Variants in KCTD9 observed in about 807,000 individuals in gnomAD.
KCTD9 encodes potassium channel tetramerization domain containing 9.
KCTD9 carries 17 observed loss-of-function variants against 53.3 expected under a neutral mutation model. That is an observed-to-expected ratio of 0.32 (90% CI 0.22 to 0.48). KCTD9 has a LOEUF of 0.48. Ranked by LOEUF, KCTD9 falls within the 20% of genes least tolerant of loss-of-function variation. The pLI is 0.99. For missense variants in KCTD9, 179 were observed against 465.5 expected, an observed-to-expected ratio of 0.38 and a Z score of 5.66; for synonymous variants, 128 against 162.7, an observed-to-expected ratio of 0.79 and a Z score of 1.62.
At chr8:25,443,091 C>T (rs868661513) in intron 3 of KCTD9, among the ~76,000 whole-genome samples, 1 of 152,054 alleles carries the variant, frequency 6.6e-6, no homozygotes, top group Non-Finnish European at 1.5e-5. Flanking sequence ...GACATATAAA[C>T]TTTATATCCT....
chr8:25,431,466 A>G (rs930902687), intron 11 of KCTD9, among the ~76,000 whole-genome samples: 4 of 152,144 alleles, frequency 2.6e-5, no homozygotes, highest in African/African-American at 4.8e-5. Context: ...GATAGGGGAC[A>G]ATGGTTAGAG....
At chr8:25,447,575 C>A in intron 1 of KCTD9, among the ~76,000 whole-genome samples, 1 of 152,084 alleles carries the variant, frequency 6.6e-6, no homozygotes, top group African/African-American at 2.4e-5. Context: ...AAATGGAGGA[C>A]ATGGAAAAAG....
At chr8:25,453,988 C>CT (rs915099195) in intron 1 of KCTD9, among the ~76,000 whole-genome samples, 4 of 152,216 alleles carry the variant, frequency 2.6e-5, no homozygotes, top group Admixed American at 6.5e-5. Context: ...TTCTCCAACT[C>CT]TAACAACGTA....
At chr8:25,444,457 T>G (rs996937860) in intron 2 of KCTD9, 122 bp from the exon 3 acceptor site, 5 of 835,776 alleles carry the variant, frequency 6.0e-6, no homozygotes, top group Admixed American at 3.2e-5. Flanking sequence ...CAATCTAGAC[T>G]GCAAAGAAGC....
intron 4 of KCTD9, among the ~76,000 whole-genome samples, chr8:25,440,248 C>T (rs1489834184): frequency 2.0e-5 from 3 of 151,094 alleles, no homozygotes; most frequent in East Asian, 1.9e-4. Flanking sequence ...TTAGTAGAGA[C>T]GGGGTTTCAC....
At chr8:25,447,999 A>G (rs886179236) in intron 1 of KCTD9, among the ~76,000 whole-genome samples, 7 of 152,054 alleles carry the variant, frequency 4.6e-5, no homozygotes, top group Admixed American at 2.6e-4. Flanking sequence ...ATGGAGGCAC[A>G]TGCCTGTAGT....
intron 2 of KCTD9, among the ~76,000 whole-genome samples, chr8:25,444,592 T>C (rs1287696073): frequency 1.3e-5 from 2 of 152,154 alleles, no homozygotes; most frequent in African/African-American, 4.8e-5. Flanking sequence ...ACACAAACGA[T>C]GTTGAGTTCA....
chr8:25,435,982 A>G (rs1445994934), intron 8 of KCTD9, among the ~76,000 whole-genome samples: 1 of 152,218 alleles, frequency 6.6e-6, no homozygotes. Flanking sequence ...GACTTTTAAA[A>G]AACTGCTGCA....
chr8:25,435,606 G>T, intron 8 of KCTD9, 94 bp from the exon 9 acceptor site: 1 of 1,032,152 alleles, frequency 9.7e-7, no homozygotes, highest in Non-Finnish European at 1.4e-6. Context: ...TTTTTTAGAA[G>T]CAATTGGCAG....
intron 11 of KCTD9, among the ~76,000 whole-genome samples, chr8:25,432,253 C>G (rs1801944961): frequency 6.6e-6 from 1 of 152,148 alleles, no homozygotes; most frequent in Admixed American, 6.5e-5. Context: ...AGTAATCTAG[C>G]CCATTTAATT....
rs532721956 is a variant in KCTD9, at chr8:25,446,018, T to A, written c.170+111A>T. Reference sequence around the variant, plus strand: ...CAAAGAGCAAATTCTAGGTAAACACTTGCCAAAATCCTGTACTCTTAACAG... The same window carrying A: ...CAAAGAGCAAATTCTAGGTAAACACATGCCAAAATCCTGTACTCTTAACAG... On this transcript the variant is annotated intron_variant, in intron 2 of 11. Coordinates refer to ENST00000221200, the MANE Select transcript of KCTD9 (RefSeq NM_017634.4). 3 of 1,399,140 alleles carry A rather than the reference T, an allele frequency of 2.1e-6. No homozygotes were observed. In the African/African-American group the frequency reaches 4.3e-5, roughly 20 times the overall value. The allele number at this position is 1,399,140 out of a possible 1,614,324, so 86.7% of individuals were successfully genotyped here.
chr8:25,433,194 G>A (rs1328322361), intron 10 of KCTD9, 136 bp downstream of exon 10: 3 of 434,810 alleles, frequency 6.9e-6, no homozygotes, highest in South Asian at 1.5e-4. Flanking sequence ...CACTTTGGAA[G>A]TTCTCCAAAT....
chr8:25,438,181 T>C (rs1802054892), intron 6 of KCTD9, among the ~76,000 whole-genome samples: 1 of 152,164 alleles, frequency 6.6e-6, no homozygotes, highest in South Asian at 2.1e-4. Flanking sequence ...TTCTGACATT[T>C]TCTAGGCAAG....
At position 25,429,344 on chromosome 8, in the gene KCTD9, A is replaced by C. The variant is rs1801888931; in HGVS notation, c.*513T>G. ...TCTCACCATATTCATACGGTGTGAC[A>C]GGTATTTAAAGAGGGGAGGCATCAC... On this transcript the variant is annotated 3_prime_UTR_variant, in exon 12 of 12. Coordinates refer to ENST00000221200, the MANE Select transcript of KCTD9 (RefSeq NM_017634.4). 1 of 154,292 alleles carries C rather than the reference A, an allele frequency of 6.5e-6. No homozygotes were observed. Among genetic ancestry groups the C allele is most frequent in the African/African-American group, 2.4e-5 (1 of 41,476 alleles). The allele number at this position is 154,292 out of a possible 1,614,324, so 9.6% of individuals were successfully genotyped here. A position where few individuals can be genotyped will look rare whatever the true frequency, so the allele number is the denominator to read the frequency against.
At chr8:25,444,262 C>G in intron 3 of KCTD9, 30 bp downstream of exon 3, 2 of 912,978 alleles carry the variant, frequency 2.2e-6, no homozygotes, top group East Asian at 3.5e-5. Context: ...TTTTTTTTGG[C>G]AGATAAAATT....
chr8:25,458,404 T>A lies in KCTD9; in HGVS notation c.-158A>T, dbSNP rs1802523304. 1 of 785,214 alleles carries A rather than the reference T, an allele frequency of 1.3e-6. No homozygotes were observed. The highest frequency in any genetic ancestry group is 2.1e-6 in the Non-Finnish European group (1 of 473,492). The allele number at this position is 785,214 out of a possible 1,614,324, so 48.6% of individuals were successfully genotyped here. A position where few individuals can be genotyped will look rare whatever the true frequency, so the allele number is the denominator to read the frequency against. ...GGGGACACACCACACGCACGCACTC[T>A]GTCCCACACCCAAGGTTCGGCCGGT... On this transcript the variant is annotated 5_prime_UTR_variant, in exon 1 of 12. Transcript: ENST00000221200.
intron 1 of KCTD9, among the ~76,000 whole-genome samples, chr8:25,451,000 C>T (rs11778731): frequency 0.34 from 51,830 of 151,924 alleles, 9,122 homozygotes; most frequent in African/African-American, 0.43. Flanking sequence ...TTAGAGAAAA[C>T]AGAATTAAAA....
chr8:25,458,178 G>GC, intron 1 of KCTD9, 21 bp downstream of exon 1: 3 of 966,584 alleles, frequency 3.1e-6, no homozygotes, highest in Non-Finnish European at 2.8e-6. Context: ...GGCCCGCCGC[G>GC]CCCCCTCACG....
rs1320459202 is a variant in KCTD9, at chr8:25,428,426, C to T, written c.*1431G>A. On this transcript the variant is annotated 3_prime_UTR_variant, in exon 12 of 12. Coordinates refer to ENST00000221200, the MANE Select transcript of KCTD9 (RefSeq NM_017634.4). ...TATGTAGATATAGAAGAATAAGCTA[C>T]GTAAATACTAAAGATATGTCATTCT... 6.6e-6 allele frequency: 1 copy of T among 152,398 alleles called. No homozygotes were observed. Among genetic ancestry groups the T allele is most frequent in the Admixed American group, 6.6e-5 (1 of 15,248 alleles). The allele number at this position is 152,398 out of a possible 1,614,324, so 9.4% of individuals were successfully genotyped here.
Sources: gnomAD v4.1 joint callset for allele counts (sites outside exome capture counted in the v4.1 genomes callset) on GRCh38, gnomAD v4.1.1 for gene constraint, MANE v1.5 for transcripts, NCBI Gene and HGNC (gene_info 2026-07-23, HGNC 2026-07-21) for gene names.